ZBBX: variants seen among roughly 807,000 people sequenced by gnomAD.
ZBBX encodes zinc finger B-box domain-containing protein 1.
A neutral mutation model predicts 108.5 loss-of-function variants in ZBBX; 101 were observed. That is an observed-to-expected ratio of 0.93 (90% CI 0.79 to 1.10). The LOEUF is 1.10. Ranked by LOEUF, ZBBX falls within the 50% of genes least tolerant of loss-of-function variation. The pLI is 0.00. For synonymous variants in ZBBX, 356 were observed against 323.4 expected (o/e 1.10, Z -1.08); for missense variants, 1,009 against 941.4 (o/e 1.07, Z -0.94).
chr3:167,206,297 T>C, the ZBBX span, among the ~76,000 whole-genome samples: 1 of 152,066 alleles, frequency 6.6e-6, no homozygotes, highest in African/African-American at 2.4e-5. Context: ...ATCCATGTTA[T>C]CACAAATGGC....
At chr3:167,196,805 A>G in the ZBBX span, among the ~76,000 whole-genome samples, 1 of 151,952 alleles carries the variant, frequency 6.6e-6, no homozygotes, top group African/African-American at 2.4e-5. Flanking sequence ...TAAAGCATAA[A>G]GAAGTTGTGT....
intron 17 of ZBBX, among the ~76,000 whole-genome samples, chr3:167,303,952 T>C (rs1302492074): frequency 6.6e-6 from 1 of 152,218 alleles, no homozygotes; most frequent in Non-Finnish European, 1.5e-5. Flanking sequence ...AAGCAATTTT[T>C]TAAACTTATC....
At chr3:167,306,186 T>C (rs1425992098) in intron 16 of ZBBX, among the ~76,000 whole-genome samples, 1 of 152,176 alleles carries the variant, frequency 6.6e-6, no homozygotes, top group Non-Finnish European at 1.5e-5. Flanking sequence ...AAGAAGGTAA[T>C]ATTTTATTTT....
intron 12 of ZBBX, among the ~76,000 whole-genome samples, chr3:167,319,353 T>C (rs910863635): frequency 6.6e-6 from 1 of 152,152 alleles, no homozygotes; most frequent in Admixed American, 6.6e-5. Flanking sequence ...TGAATAGTTG[T>C]TACGGACTAA....
rs1746522925 is a variant in ZBBX at position 167,373,771 on chromosome 3, A to T, written c.-115T>A. 1 of 152,238 alleles carries T rather than the reference A, an allele frequency of 6.6e-6. No individual in the cohort carries two copies. Among genetic ancestry groups the T allele is most frequent in the African/African-American group, 2.4e-5 (1 of 41,464 alleles). 9.4% of individuals were successfully genotyped at this position (152,238 alleles called of 1,614,324 possible). A position where few individuals can be genotyped will look rare whatever the true frequency, so the allele number is the denominator to read the frequency against. On this transcript the variant is annotated 5_prime_UTR_variant, in exon 3 of 22. Transcript: ENST00000675490. ...ATTGAGCAGGCTGAGGAAGACGAAG[A>T]TGAAGAGGAGTTGGTCCTGTCTCAG...
intron 17 of ZBBX, among the ~76,000 whole-genome samples, chr3:167,301,974 A>AT (rs1732771998): frequency 6.6e-6 from 1 of 151,680 alleles, no homozygotes; most frequent in Non-Finnish European, 1.5e-5. Flanking sequence ...AAAAAAAAAA[A>AT]AAAAACCTAG....
At chr3:167,354,029 C>A (rs4955615) in intron 8 of ZBBX, among the ~76,000 whole-genome samples, 2,195 of 152,072 alleles carry the variant, frequency 0.014, 17 homozygotes, top group Non-Finnish European at 0.024. Context: ...ATATTTAGTA[C>A]AAATAACCTA....
intron 20 of ZBBX, among the ~76,000 whole-genome samples, chr3:167,263,227 G>T (rs1360531101): frequency 6.6e-6 from 1 of 151,954 alleles, no homozygotes; most frequent in African/African-American, 2.4e-5. Flanking sequence ...AGTAGAGACG[G>T]GGTTTCACCT....
intron 9 of ZBBX, among the ~76,000 whole-genome samples, chr3:167,337,840 C>A (rs1739832538): frequency 1.3e-5 from 2 of 151,956 alleles, no homozygotes; most frequent in African/African-American, 4.8e-5. Context: ...AAATAGATAA[C>A]TATACATATT....
intron 20 of ZBBX, among the ~76,000 whole-genome samples, chr3:167,268,874 C>G (rs1367077880): frequency 6.6e-6 from 1 of 152,148 alleles, no homozygotes; most frequent in African/African-American, 2.4e-5. Flanking sequence ...GGGCCGGAAA[C>G]TATACCAGGT....
chr3:167,308,953 T>TA lies in ZBBX; in HGVS notation c.1418-3004dup, dbSNP rs200006423. Among the ~76,000 whole-genome samples, 1,058 of 152,134 alleles carry TA rather than the reference T, an allele frequency of 7.0e-3. 14 individuals carry two copies. The highest frequency in any genetic ancestry group is 0.024 in the African/African-American group (1,011 of 41,496). ...CACGTGTGTCCCTGAACTTAAAAGT[T>TA]AAAAAAAGGCATGCCTACCAGTGAC... On this transcript the variant is annotated intron_variant, in intron 16 of 21. Transcript: ENST00000675490.
intron 9 of ZBBX, among the ~76,000 whole-genome samples, chr3:167,334,788 T>C (rs1739284912): frequency 6.6e-6 from 1 of 152,152 alleles, no homozygotes; most frequent in Non-Finnish European, 1.5e-5. Flanking sequence ...GCTAATCTAG[T>C]AGGAGACTGA....
At chr3:167,290,913 A>G (rs1477237818) in intron 18 of ZBBX, among the ~76,000 whole-genome samples, 2 of 152,142 alleles carry the variant, frequency 1.3e-5, no homozygotes, top group Non-Finnish European at 2.9e-5. Flanking sequence ...TGAAGCATAC[A>G]CAAGTGTCAA....
At chr3:167,289,767 C>A (rs186463033) in intron 18 of ZBBX, among the ~76,000 whole-genome samples, 4 of 152,124 alleles carry the variant, frequency 2.6e-5, no homozygotes, top group African/African-American at 9.7e-5. Flanking sequence ...GGGGGTGAAG[C>A]CAGGGAGCCA....
At chr3:167,405,569 C>T (rs1288454187) in intron 1 of ZBBX, among the ~76,000 whole-genome samples, 11 of 152,062 alleles carry the variant, frequency 7.2e-5, no homozygotes, top group Non-Finnish European at 1.6e-4. Flanking sequence ...AACATGGCTG[C>T]ATTAAATTGA....
chr3:167,314,181 A>G (rs1735056794), intron 15 of ZBBX, 65 bp from the exon 16 acceptor site: 6 of 1,421,344 alleles, frequency 4.2e-6, no homozygotes, highest in African/African-American at 1.5e-5. Context: ...GAAAATTTTA[A>G]AAGTCCCAAG....
chr3:167,281,177 G>A (rs892361687), intron 20 of ZBBX, among the ~76,000 whole-genome samples: 5 of 152,000 alleles, frequency 3.3e-5, no homozygotes, highest in African/African-American at 9.7e-5. Flanking sequence ...TGGGTGCAGC[G>A]CGCCAGCATG....
chr3:167,307,319 G>C (rs182851611), intron 16 of ZBBX, among the ~76,000 whole-genome samples: 23 of 152,290 alleles, frequency 1.5e-4, no homozygotes, highest in Admixed American at 9.2e-4. Context: ...AATAGTAGGA[G>C]AGGAAGTCAA....
At chr3:167,330,399 C>G (rs545425081) in intron 10 of ZBBX, among the ~76,000 whole-genome samples, 14 of 152,104 alleles carry the variant, frequency 9.2e-5, no homozygotes, top group South Asian at 2.1e-4. Context: ...ACCAAACATT[C>G]AAGAGTTTTT....
Sources: allele counts gnomAD v4.1 joint callset (sites outside exome capture counted in the v4.1 genomes callset), GRCh38; gene constraint gnomAD v4.1.1; transcripts MANE v1.5; gene names NCBI Gene and HGNC (gene_info 2026-07-23, HGNC 2026-07-21).